ARHGAP44: variants seen among roughly 807,000 people sequenced by gnomAD.
ARHGAP44 encodes rho GTPase-activating protein 44.
A neutral mutation model predicts 106.8 loss-of-function variants in ARHGAP44; 43 were observed. The observed-to-expected ratio is 0.40, with a 90% CI of 0.32 to 0.52. The LOEUF is 0.52. ARHGAP44 is among the 20% of genes least tolerant of loss of function. ARHGAP44 has a pLI of 0.48. For missense variants in ARHGAP44, 866 were observed against 1,050.5 expected, an observed-to-expected ratio of 0.82 and a Z score of 2.43; for synonymous variants, 439 against 410.3, an observed-to-expected ratio of 1.07 and a Z score of -0.85.
chr17:12,901,411 G>C (rs1351700389), intron 3 of ARHGAP44, among the ~76,000 whole-genome samples: 1 of 152,148 alleles, frequency 6.6e-6, no homozygotes, highest in African/African-American at 2.4e-5. Context: ...GACATGATCA[G>C]ATATGTTCAA....
chr17:12,937,476 T>TC (rs2038582413), intron 7 of ARHGAP44, among the ~76,000 whole-genome samples: 1 of 152,220 alleles, frequency 6.6e-6, no homozygotes, highest in African/African-American at 2.4e-5. Flanking sequence ...GTACTGGTTT[T>TC]CCTGCCCCAG....
At chr17:12,965,191 G>A (rs752208822) in intron 16 of ARHGAP44, among the ~76,000 whole-genome samples, 1 of 152,112 alleles carries the variant, frequency 6.6e-6, no homozygotes, top group Non-Finnish European at 1.5e-5. Flanking sequence ...GATCTGCCAC[G>A]GAGATCCAGC....
intron 16 of ARHGAP44, among the ~76,000 whole-genome samples, chr17:12,966,764 C>T (rs937830662): frequency 1.3e-5 from 2 of 152,188 alleles, no homozygotes; most frequent in Non-Finnish European, 2.9e-5. Flanking sequence ...AGAACAAAAA[C>T]CAAAACCTTC....
rs139474869 is a variant in ARHGAP44 at position 12,942,635 on chromosome 17, A to G, written c.652-953A>G. ...TTATTTCAATATTCTGATTTTTAAAAAAGTTCGTATTAGTTTTACTTTAAT... is the reference window on the plus strand; with the variant it reads ...TTATTTCAATATTCTGATTTTTAAAGAAGTTCGTATTAGTTTTACTTTAAT... On this transcript the variant is annotated intron_variant, in intron 8 of 20. Coordinates refer to ENST00000379672, the MANE Select transcript of ARHGAP44 (RefSeq NM_014859.6). Among the ~76,000 whole-genome samples the G allele has an allele frequency of 1.8e-4, 27 of 152,316 alleles. No homozygotes were observed. The East Asian group carries it at 4.4e-3, about 25-fold the overall frequency.
At chr17:12,948,633 G>A (rs2038913982) in intron 10 of ARHGAP44, among the ~76,000 whole-genome samples, 1 of 151,934 alleles carries the variant, frequency 6.6e-6, no homozygotes, top group Non-Finnish European at 1.5e-5. Flanking sequence ...TCGGGCCGCT[G>A]CACTCCAGCC....
intron 1 of ARHGAP44, among the ~76,000 whole-genome samples, chr17:12,840,795 A>G (rs898608312): frequency 3.3e-5 from 5 of 152,168 alleles, no homozygotes; most frequent in Non-Finnish European, 7.3e-5. Context: ...TAGACAAGCA[A>G]ATTCTGGTGT....
In ARHGAP44 at chr17:12,851,899, C is replaced by G. The variant is rs375382985; in HGVS notation, c.54-43041C>G. 7.9e-5 allele frequency among the ~76,000 whole-genome samples: 12 copies of G among 151,918 alleles called. No homozygotes were observed. The East Asian group carries it at 2.4e-3, about 30-fold the overall frequency. ...TCGAAAGGAGGCCAGGGAATATAAT[C>G]GTTTGGTGGAATGTTAGTGTGCTCT... On this transcript the variant is annotated intron_variant, in intron 1 of 20. Transcript: ENST00000379672.
chr17:12,806,702 A>G (rs2034284264), intron 1 of ARHGAP44, among the ~76,000 whole-genome samples: 1 of 152,244 alleles, frequency 6.6e-6, no homozygotes, highest in Non-Finnish European at 1.5e-5. Flanking sequence ...AACCATGGAC[A>G]AGCCCATTTA....
Position 12,839,987 on chromosome 17 carries a change from C to T in ARHGAP44, c.53+50096C>T, listed in dbSNP as rs1169778462. Among the ~76,000 whole-genome samples the T allele has an allele frequency of 2.6e-5, 4 of 152,200 alleles. No individual in the cohort carries two copies. The East Asian group carries it at 7.7e-4, about 29-fold the overall frequency. Reference sequence around the variant, plus strand: ...TTGTATAAATTTCAGATACAGCCCCCTTCAGCTCTCAGCACATCCCTCAAC... The same window carrying T: ...TTGTATAAATTTCAGATACAGCCCCTTTCAGCTCTCAGCACATCCCTCAAC... On this transcript the variant is annotated intron_variant, in intron 1 of 20. Transcript: ENST00000379672.
chr17:12,802,969 A>ATTTTT (rs1162376884), intron 1 of ARHGAP44, among the ~76,000 whole-genome samples: 2 of 40,846 alleles, frequency 4.9e-5, no homozygotes, highest in African/African-American at 8.2e-5. Flanking sequence ...ATATATATAT[A>ATTTTT]TTTTTTTTTT....
At chr17:12,846,896 T>G (rs1038328307) in intron 1 of ARHGAP44, among the ~76,000 whole-genome samples, 5 of 152,208 alleles carry the variant, frequency 3.3e-5, no homozygotes, top group African/African-American at 4.8e-5. Flanking sequence ...TTAAATAATC[T>G]CTTATACAGA....
chr17:12,894,953 G>A lies in ARHGAP44; in HGVS notation c.67G>A (p.Glu23Lys). ...TGTTCTTTTTAGGGCTGAAAAGACA[G>A]AAGTTTTGAGTGAAGACCTTCTTCA... ...NQTVGRAEKT[E>K]VLSEDLLQVE... The change falls in exon 2 of 21, where the codon GAA becomes AAA. Residue 23 changes from glutamate to lysine, a missense_variant. Glu to Lys is a moderately conservative substitution (Grantham distance 56). This residue lies in a region of ARHGAP44 where 448 missense variants were observed against 646.9 expected (regional missense o/e 0.69). Coordinates refer to ENST00000379672, the MANE Select transcript of ARHGAP44 (RefSeq NM_014859.6). 1.3e-6 allele frequency: 2 copies of A among 1,589,280 alleles called. No homozygotes were observed. Among genetic ancestry groups the A allele is most frequent in the Admixed American group, 1.8e-5 (1 of 56,246 alleles).
intron 1 of ARHGAP44, among the ~76,000 whole-genome samples, chr17:12,812,404 A>G (rs549597304): frequency 6.6e-6 from 1 of 152,324 alleles, no homozygotes; most frequent in East Asian, 1.9e-4. Context: ...GATTTAAGCT[A>G]GCAAAGTACA....
Position 12,958,242 on chromosome 17 carries a change from A to T in ARHGAP44, c.1343-475A>T, listed in dbSNP as rs149837183. Among the ~76,000 whole-genome samples, 358 of 152,286 alleles carry T rather than the reference A, an allele frequency of 2.4e-3. 1 individual carries two copies. The highest frequency in any genetic ancestry group is 8.1e-3 in the African/African-American group (337 of 41,562). ...TTCTAATATCTTGAATTTATTCTCTATGGTTTTCCAGAAAGGCAGTGTCAT... is the reference window on the plus strand; with the variant it reads ...TTCTAATATCTTGAATTTATTCTCTTTGGTTTTCCAGAAAGGCAGTGTCAT... On this transcript the variant is annotated intron_variant, in intron 15 of 20. Transcript: ENST00000379672. This position sits in a 1 kb window ranked among gnomAD's most constrained non-coding sequence, Gnocchi z 4.1.
chr17:12,836,844 C>T (rs988920298), intron 1 of ARHGAP44, among the ~76,000 whole-genome samples: 1 of 152,182 alleles, frequency 6.6e-6, no homozygotes, highest in African/African-American at 2.4e-5. Context: ...TTCACCACTG[C>T]TCTCTTAGTT....
Position 12,991,515 on chromosome 17 carries a change from A to G in ARHGAP44, c.*1344A>G, listed in dbSNP as rs3744343. 2,491 of 174,684 alleles carry G rather than the reference A, an allele frequency of 0.014. 180 individuals are homozygous for G. In the East Asian group the frequency reaches 0.17, roughly 12 times the overall value. 10.8% of individuals were successfully genotyped at this position (174,684 alleles called of 1,614,324 possible). A position where few individuals can be genotyped will look rare whatever the true frequency, so the allele number is the denominator to read the frequency against. On this transcript the variant is annotated 3_prime_UTR_variant, in exon 21 of 21. Coordinates refer to ENST00000379672, the MANE Select transcript of ARHGAP44 (RefSeq NM_014859.6). ...TTGCAGCTTTGCTCACTTCCTGGCA[A>G]GGGCAGGTCATGCCTCAATTTGTAA...
chr17:12,868,241 T>C (rs1567658227), intron 1 of ARHGAP44, among the ~76,000 whole-genome samples: 1 of 152,174 alleles, frequency 6.6e-6, no homozygotes, highest in Non-Finnish European at 1.5e-5. Context: ...TGTGTGTGTC[T>C]GTATCCTTGT....
At chr17:12,838,734 C>T (rs561263923) in intron 1 of ARHGAP44, among the ~76,000 whole-genome samples, 9 of 152,042 alleles carry the variant, frequency 5.9e-5, no homozygotes, top group Admixed American at 2.0e-4. Context: ...TGCAGTGGAG[C>T]GACCTTGGCT....
chr17:12,956,370 G>A (rs2039127075), intron 14 of ARHGAP44, among the ~76,000 whole-genome samples: 2 of 152,318 alleles, frequency 1.3e-5, no homozygotes, highest in African/African-American at 4.8e-5. Flanking sequence ...GTTGGAAAGA[G>A]GATGAGAATC....
Sources: gnomAD v4.1 joint callset for allele counts (sites outside exome capture counted in the v4.1 genomes callset) on GRCh38, gnomAD v4.1.1 for gene constraint, gnomAD v4.1.1 regional missense constraint, Gnocchi (gnomAD v3.1) non-coding constraint, MANE v1.5 for transcripts, NCBI Gene and HGNC (gene_info 2026-07-23, HGNC 2026-07-21) for gene names.